The following FRMD3 variants were observed in gnomAD, a reference collection of about 807,000 sequenced individuals.
FRMD3 encodes the protein FERM domain containing 3.
In FRMD3, 33 loss-of-function variants were observed where a neutral mutation model predicts 70.2. That is an observed-to-expected ratio of 0.47 (90% CI 0.36 to 0.63). The LOEUF (loss-of-function observed/expected upper bound fraction) is 0.63. FRMD3 is among the 20% of genes least tolerant of loss of function. The probability of loss-of-function intolerance (pLI) is 0.00; values close to 1 mark genes in which losing one functional copy is unlikely to be tolerated. For synonymous variants in FRMD3, 279 were observed against 255.9 expected, an observed-to-expected ratio of 1.09 and a Z score of -0.86; for missense variants, 632 against 711.4, an observed-to-expected ratio of 0.89 and a Z score of 1.27.
At chr9:83,250,728 G>A (rs1832368495) in intron 13 of FRMD3, among the ~76,000 whole-genome samples, 1 of 152,232 alleles carries the variant, frequency 6.6e-6, no homozygotes, top group African/African-American at 2.4e-5. Context: ...ATGTAGCACA[G>A]CTGTCTTGCC....
At chr9:83,340,946 T>C (rs1381602275) in intron 5 of FRMD3, among the ~76,000 whole-genome samples, 4 of 152,166 alleles carry the variant, frequency 2.6e-5, no homozygotes, top group African/African-American at 9.7e-5. Context: ...TAAAACATAC[T>C]CCTTGAAAGA....
intron 3 of FRMD3, among the ~76,000 whole-genome samples, chr9:83,369,219 T>C (rs1824889687): frequency 6.6e-6 from 1 of 152,216 alleles, no homozygotes; most frequent in Non-Finnish European, 1.5e-5. Context: ...GCATGTTTAT[T>C]GCAGTACACT....
chr9:83,348,404 G>T (rs987233315), intron 4 of FRMD3, among the ~76,000 whole-genome samples: 2 of 152,152 alleles, frequency 1.3e-5, no homozygotes, highest in Non-Finnish European at 2.9e-5. Context: ...GAAATGTCCA[G>T]AATGGGTAAA....
chr9:83,437,247 T>G (rs1827162364), intron 1 of FRMD3, among the ~76,000 whole-genome samples: 1 of 152,208 alleles, frequency 6.6e-6, no homozygotes, highest in Non-Finnish European at 1.5e-5. Flanking sequence ...ATAATTTCTG[T>G]CCTATAGAGG....
rs143290452 is a variant in FRMD3, at chr9:83,506,003, C to A, written c.147+32082G>T. 1.5e-4 allele frequency among the ~76,000 whole-genome samples: 23 copies of A among 152,276 alleles called. No homozygotes were observed. In the East Asian group the frequency reaches 4.5e-3, roughly 29 times the overall value. ...CCCCAACAAGAACTTGTGCAAACTG[C>A]ACCAACGCCCCATGAACACCCACCA... On this transcript the variant is annotated intron_variant, in intron 1 of 13. Coordinates refer to ENST00000304195, the MANE Select transcript of FRMD3 (RefSeq NM_174938.6).
chr9:83,369,621 T>TAAAAAAAA (rs767745884), intron 3 of FRMD3, among the ~76,000 whole-genome samples: 2 of 143,724 alleles, frequency 1.4e-5, no homozygotes, highest in Admixed American at 1.4e-4. Flanking sequence ...AATAAATAAA[T>TAAAAAAAA]AAAATACACA....
the FRMD3 span, among the ~76,000 whole-genome samples, chr9:83,576,812 A>C: frequency 6.6e-6 from 1 of 152,082 alleles, no homozygotes; most frequent in Non-Finnish European, 1.5e-5. Flanking sequence ...AAATAAAACT[A>C]CCTCTATTTT....
chr9:83,263,665 CA>C (rs1393093839), intron 13 of FRMD3, among the ~76,000 whole-genome samples: 1 of 151,812 alleles, frequency 6.6e-6, no homozygotes, highest in Non-Finnish European at 1.5e-5. Flanking sequence ...GAATTATCTA[CA>C]TAGAAAAGAG....
the FRMD3 span, among the ~76,000 whole-genome samples, chr9:83,562,393 T>C: frequency 1.2e-4 from 18 of 152,300 alleles, no homozygotes; most frequent in Middle Eastern, 3.4e-3. Flanking sequence ...CCAAGGTGGC[T>C]ATAGCAGCTG....
intron 5 of FRMD3, among the ~76,000 whole-genome samples, chr9:83,342,664 A>AGGATGGAT (rs569823827): frequency 1.1e-4 from 16 of 151,206 alleles, no homozygotes; most frequent in African/African-American, 3.7e-4. Context: ...ACGAATAGAT[A>AGGATGGAT]GGATGGATGG....
At chr9:83,264,521 G>A (rs1833142533) in intron 13 of FRMD3, among the ~76,000 whole-genome samples, 1 of 152,140 alleles carries the variant, frequency 6.6e-6, no homozygotes, top group Non-Finnish European at 1.5e-5. Context: ...TCTCTTGTGT[G>A]GGATGTTGAT....
chr9:83,494,093 T>C (rs1432826378), intron 1 of FRMD3, among the ~76,000 whole-genome samples: 2 of 152,146 alleles, frequency 1.3e-5, no homozygotes, highest in African/African-American at 4.8e-5. Context: ...GAAGAATCCA[T>C]GGGTGTAGCA....
the FRMD3 span, among the ~76,000 whole-genome samples, chr9:83,544,570 C>G: frequency 2.7e-3 from 407 of 152,286 alleles, 4 homozygotes; most frequent in African/African-American, 9.1e-3. Context: ...AAGCTCTTAC[C>G]TTCAAGTGCC....
intron 1 of FRMD3, among the ~76,000 whole-genome samples, chr9:83,529,991 G>T (rs1243944520): frequency 6.6e-6 from 1 of 152,174 alleles, no homozygotes; most frequent in African/African-American, 2.4e-5. Flanking sequence ...ATAATAACAA[G>T]TATTGGAGAG....
At chr9:83,349,300 C>T (rs983211309) in intron 4 of FRMD3, among the ~76,000 whole-genome samples, 5 of 152,116 alleles carry the variant, frequency 3.3e-5, no homozygotes, top group South Asian at 2.1e-4. Context: ...TTCTGCCAGG[C>T]GATCTTTTCC....
Position 83,299,098 on chromosome 9 carries a change from C to T in FRMD3, c.1001+14G>A. 1 of 1,575,432 alleles carries T rather than the reference C, an allele frequency of 6.3e-7. No individual in the cohort carries two copies. Among genetic ancestry groups the T allele is most frequent in the South Asian group, 1.1e-5 (1 of 89,988 alleles). Reference sequence around the variant, plus strand: ...TCCCCACCCCCTCACTGAAATGGAACCATTGGTACCCACCTATATCGAAAT... The same window carrying T: ...TCCCCACCCCCTCACTGAAATGGAATCATTGGTACCCACCTATATCGAAAT... On this transcript the variant is annotated intron_variant, in intron 11 of 13. Transcript: ENST00000304195.
chr9:83,437,662 C>T (rs1827174930), intron 1 of FRMD3, among the ~76,000 whole-genome samples: 1 of 152,060 alleles, frequency 6.6e-6, no homozygotes, highest in South Asian at 2.1e-4. Flanking sequence ...CAACCAATAC[C>T]AAGCAGATTC....
chr9:83,323,994 G>A (rs1564015573), intron 6 of FRMD3, among the ~76,000 whole-genome samples: 1 of 152,208 alleles, frequency 6.6e-6, no homozygotes, highest in Non-Finnish European at 1.5e-5. Flanking sequence ...TATTTAAGAA[G>A]CCATAGTAAC....
chr9:83,286,396 A>T (rs1834213644), intron 13 of FRMD3, among the ~76,000 whole-genome samples: 1 of 151,698 alleles, frequency 6.6e-6, no homozygotes, highest in Non-Finnish European at 1.5e-5. Context: ...CAATGGCATG[A>T]TCTCAGCTCA....
Sources: gnomAD v4.1 joint callset for allele counts (sites outside exome capture counted in the v4.1 genomes callset) on GRCh38, gnomAD v4.1.1 for gene constraint, MANE v1.5 for transcripts, NCBI Gene and HGNC (gene_info 2026-07-23, HGNC 2026-07-21) for gene names.